Variants in NALF1 observed in about 807,000 individuals in gnomAD.
NALF1 encodes family with sequence similarity 155 member A.
Under a neutral mutation model 48.4 loss-of-function variants are expected in NALF1, and 3 were observed. The observed-to-expected ratio is 0.06, with a 90% confidence interval of 0.03 to 0.16. The LOEUF (loss-of-function observed/expected upper bound fraction) is 0.16, where lower values mean the gene tolerates loss of function less well. Among genes scored for constraint, NALF1 ranks in the 10% least tolerant of loss-of-function variants. The pLI, the probability that NALF1 is intolerant of heterozygous loss-of-function variation, is 1.00. For missense variants in NALF1, 526 were observed against 571.5 expected (o/e 0.92, Z 0.81); for synonymous variants, 262 against 245.7 (o/e 1.07, Z -0.62).
intron 1 of NALF1, among the ~76,000 whole-genome samples, chr13:107,863,806 T>C (rs1880640587): frequency 6.6e-6 from 1 of 152,182 alleles, no homozygotes; most frequent in Admixed American, 6.5e-5. Context: ...AAGAAAACTT[T>C]TTAATATATT....
At chr13:107,250,461 T>C (rs1437232669) in intron 1 of NALF1, among the ~76,000 whole-genome samples, 1 of 152,208 alleles carries the variant, frequency 6.6e-6, no homozygotes, top group African/African-American at 2.4e-5. Flanking sequence ...AAAAGAAAGT[T>C]GATGATCATA....
At chr13:107,658,915 GA>G (rs1880654322) in intron 1 of NALF1, among the ~76,000 whole-genome samples, 1 of 151,966 alleles carries the variant, frequency 6.6e-6, no homozygotes, top group Non-Finnish European at 1.5e-5. Context: ...CCCAGTCAAG[GA>G]AGGTAGTGAC....
At chr13:107,299,012 T>C (rs575129058) in intron 1 of NALF1, among the ~76,000 whole-genome samples, 1 of 152,310 alleles carries the variant, frequency 6.6e-6, no homozygotes, top group South Asian at 2.1e-4. Context: ...TTTTTATGTA[T>C]GTCTTATTCT....
At chr13:107,662,607 G>A (rs1207993128) in intron 1 of NALF1, among the ~76,000 whole-genome samples, 1 of 151,994 alleles carries the variant, frequency 6.6e-6, no homozygotes. Flanking sequence ...CAGTTCTCAA[G>A]AACCACATCC....
chr13:107,806,097 T>C (rs564699689), intron 1 of NALF1, among the ~76,000 whole-genome samples: 1 of 152,174 alleles, frequency 6.6e-6, no homozygotes, highest in Non-Finnish European at 1.5e-5. Context: ...AGGAAGCATA[T>C]AAACCTCGAA....
At chr13:107,507,380 C>T (rs1343420972) in intron 1 of NALF1, among the ~76,000 whole-genome samples, 1 of 151,864 alleles carries the variant, frequency 6.6e-6, no homozygotes, top group African/African-American at 2.4e-5. Context: ...CTGTTTCTAA[C>T]TAGCCCAGAG....
At chr13:107,247,410 C>T (rs2138840882) in intron 1 of NALF1, among the ~76,000 whole-genome samples, 1 of 152,116 alleles carries the variant, frequency 6.6e-6, no homozygotes, top group Admixed American at 6.6e-5. Context: ...GATGATACAC[C>T]CCAAAGGGGT....
At chr13:107,411,917 G>A (rs778995478) in intron 1 of NALF1, among the ~76,000 whole-genome samples, 5 of 152,202 alleles carry the variant, frequency 3.3e-5, no homozygotes, top group Non-Finnish European at 7.3e-5. Flanking sequence ...GGAGTTTGAA[G>A]ATGGGAGGTG....
At chr13:107,538,427 A>C (rs7338480) in intron 1 of NALF1, among the ~76,000 whole-genome samples, 124,143 of 152,076 alleles carry the variant, frequency 0.82, 52,572 homozygotes, top group Non-Finnish European at 0.92. Flanking sequence ...ACAACATAGA[A>C]AATGTTACTT....
intron 1 of NALF1, among the ~76,000 whole-genome samples, chr13:107,831,382 A>C (rs567898792): frequency 6.6e-6 from 1 of 152,324 alleles, no homozygotes; most frequent in South Asian, 2.1e-4. Context: ...GCAATTATTC[A>C]TAACTTAAAG....
intron 1 of NALF1, among the ~76,000 whole-genome samples, chr13:107,682,552 C>T (rs1233181222): frequency 6.6e-6 from 1 of 152,182 alleles, no homozygotes; most frequent in African/African-American, 2.4e-5. Flanking sequence ...CGGGACCTCC[C>T]ACTCAAAATT....
chr13:107,504,574 A>C (rs1875636573), intron 1 of NALF1, among the ~76,000 whole-genome samples: 1 of 152,172 alleles, frequency 6.6e-6, no homozygotes, highest in Non-Finnish European at 1.5e-5. Flanking sequence ...CAATTCCTTT[A>C]TTCGTTTCCA....
intron 1 of NALF1, among the ~76,000 whole-genome samples, chr13:107,545,201 C>G (rs555956839): frequency 6.6e-6 from 1 of 152,150 alleles, no homozygotes; most frequent in Non-Finnish European, 1.5e-5. Context: ...AAGACAGATA[C>G]ATGCAGAGGG....
chr13:107,818,796 C>A (rs1478798805), intron 1 of NALF1, among the ~76,000 whole-genome samples: 2 of 128,910 alleles, frequency 1.6e-5, no homozygotes, highest in Non-Finnish European at 3.1e-5. Flanking sequence ...GACGTGAACC[C>A]GGGAGGCGGA....
At chr13:107,299,998 T>C (rs943711352) in intron 1 of NALF1, among the ~76,000 whole-genome samples, 1 of 152,150 alleles carries the variant, frequency 6.6e-6, no homozygotes, top group African/African-American at 2.4e-5. Context: ...AGACTGGTAT[T>C]TACAGAAAGA....
At chr13:107,177,182 A>C (rs952649593) in intron 2 of NALF1, among the ~76,000 whole-genome samples, 4 of 152,156 alleles carry the variant, frequency 2.6e-5, no homozygotes, top group African/African-American at 9.7e-5. Flanking sequence ...AGATCTCTAC[A>C]GTAAAAACTA....
chr13:107,829,427 T>A (rs1326980814), intron 1 of NALF1, among the ~76,000 whole-genome samples: 1 of 152,156 alleles, frequency 6.6e-6, no homozygotes, highest in East Asian at 1.9e-4. Flanking sequence ...GACATTTAAA[T>A]GTTGACATAA....
intron 1 of NALF1, among the ~76,000 whole-genome samples, chr13:107,396,901 C>T (rs1210016490): frequency 6.6e-6 from 1 of 152,104 alleles, no homozygotes; most frequent in Non-Finnish European, 1.5e-5. Context: ...ATTAATCAGA[C>T]TAGACGTGTG....
At position 107,330,443 on chromosome 13, in the gene NALF1, A is replaced by G. The variant is rs141503901; in HGVS notation, c.916-119688T>C. Among the ~76,000 whole-genome samples the G allele has an allele frequency of 1.7e-3, 262 of 152,356 alleles. 2 individuals carry two copies. The highest frequency in any genetic ancestry group is 5.5e-3 in the African/African-American group (229 of 41,594). On this transcript the variant is annotated intron_variant, in intron 1 of 2. Transcript: ENST00000375915. Reference sequence around the variant, plus strand: ...ATTGTGGGGAATCACACTCTGAATCAAACTAATTCTCATTTGGTTCTCAAT... The same window carrying G: ...ATTGTGGGGAATCACACTCTGAATCGAACTAATTCTCATTTGGTTCTCAAT...
Sources: gnomAD v4.1 joint callset for allele counts (sites outside exome capture counted in the v4.1 genomes callset) on GRCh38, gnomAD v4.1.1 for gene constraint, MANE v1.5 for transcripts, NCBI Gene and HGNC (gene_info 2026-07-23, HGNC 2026-07-21) for gene names.